LGSN: variants seen among roughly 807,000 people sequenced by gnomAD.
LGSN encodes lengsin.
A neutral mutation model predicts 19.5 loss-of-function variants in LGSN; 21 were observed. That is an observed-to-expected ratio of 1.07 (90% CI 0.76 to 1.55). The LOEUF (loss-of-function observed/expected upper bound fraction) is 1.55. LGSN is among the 40% of genes most tolerant of loss of function. The pLI, the probability that LGSN is intolerant of heterozygous loss-of-function variation, is 0.00. For synonymous variants in LGSN, 257 were observed against 215.6 expected, an observed-to-expected ratio of 1.19 and a Z score of -1.68; for missense variants, 673 against 608.5, an observed-to-expected ratio of 1.11 and a Z score of -1.12.
the LGSN span, among the ~76,000 whole-genome samples, chr6:63,345,725 G>A: frequency 2.0e-5 from 3 of 152,036 alleles, no homozygotes; most frequent in East Asian, 1.9e-4. Context: ...ATCACATGGC[G>A]ACCTTACTCC....
the LGSN span, among the ~76,000 whole-genome samples, chr6:63,415,882 G>A: frequency 3.3e-5 from 5 of 152,048 alleles, no homozygotes; most frequent in South Asian, 6.2e-4. Flanking sequence ...AGATTCACCC[G>A]GGCATTTATT....
chr6:63,461,720 T>G, the LGSN span, among the ~76,000 whole-genome samples: 1 of 152,222 alleles, frequency 6.6e-6, no homozygotes, highest in South Asian at 2.1e-4. Flanking sequence ...CAATCTGGTC[T>G]TCATACCCCA....
the LGSN span, chr6:63,572,359 G>C: frequency 3.5e-6 from 1 of 287,344 alleles, no homozygotes; most frequent in Non-Finnish European, 6.4e-6. Context: ...AGTGACGTCC[G>C]GAGGGGGCGG....
the LGSN span, among the ~76,000 whole-genome samples, chr6:63,537,730 T>C: frequency 2.6e-5 from 4 of 152,216 alleles, no homozygotes; most frequent in East Asian, 1.9e-4. Flanking sequence ...TGTCAGCAGA[T>C]CAGAACCCTG....
At chr6:63,408,013 C>T in the LGSN span, among the ~76,000 whole-genome samples, 1 of 152,070 alleles carries the variant, frequency 6.6e-6, no homozygotes, top group Non-Finnish European at 1.5e-5. Context: ...CAAACCACTG[C>T]TCAAGGAAAT....
At chr6:63,292,704 A>G (rs188293970) in intron 2 of LGSN, among the ~76,000 whole-genome samples, 2 of 152,170 alleles carry the variant, frequency 1.3e-5, no homozygotes, top group African/African-American at 4.8e-5. Flanking sequence ...CCATAACTCC[A>G]CTAAGAAAGG....
the LGSN span, among the ~76,000 whole-genome samples, chr6:63,556,866 C>A: frequency 6.6e-6 from 1 of 152,202 alleles, no homozygotes; most frequent in Non-Finnish European, 1.5e-5. Context: ...TTAGGTGATA[C>A]TATCCAAGAT....
chr6:63,442,235 G>C, the LGSN span, among the ~76,000 whole-genome samples: 1 of 152,202 alleles, frequency 6.6e-6, no homozygotes, highest in African/African-American at 2.4e-5. Flanking sequence ...TTCACGGTGA[G>C]TGTTATAGCT....
the LGSN span, chr6:63,572,152 T>C: frequency 6.5e-6 from 1 of 152,758 alleles, no homozygotes; most frequent in Non-Finnish European, 1.5e-5. Context: ...CCGTTTTAAT[T>C]ATGAGAAACG....
the LGSN span, among the ~76,000 whole-genome samples, chr6:63,380,632 T>C: frequency 1.2e-4 from 18 of 152,316 alleles, no homozygotes; most frequent in Admixed American, 8.5e-4. Context: ...TGTTGCAGGT[T>C]AGCCAACAGG....
the LGSN span, among the ~76,000 whole-genome samples, chr6:63,362,367 A>T: frequency 6.6e-6 from 1 of 150,404 alleles, no homozygotes; most frequent in Non-Finnish European, 1.5e-5. Context: ...CTTGTCAGAC[A>T]GTGGGTGCAG....
At chr6:63,465,748 A>T in the LGSN span, among the ~76,000 whole-genome samples, 198 of 152,296 alleles carry the variant, frequency 1.3e-3, no homozygotes, top group Non-Finnish European at 2.3e-3. Flanking sequence ...ACACCACAGG[A>T]TAAACCTCTT....
the LGSN span, among the ~76,000 whole-genome samples, chr6:63,565,477 A>G: frequency 6.6e-6 from 1 of 152,222 alleles, no homozygotes; most frequent in Non-Finnish European, 1.5e-5. Flanking sequence ...AACTGCCTTA[A>G]TCAATTTTAC....
At chr6:63,406,663 A>G in the LGSN span, among the ~76,000 whole-genome samples, 2 of 151,946 alleles carry the variant, frequency 1.3e-5, no homozygotes, top group African/African-American at 2.4e-5. Flanking sequence ...CAGAAGGCAA[A>G]AAATAACTAA....
the LGSN span, among the ~76,000 whole-genome samples, chr6:63,452,661 C>CTCTCTCTG: frequency 1.3e-5 from 2 of 151,086 alleles, no homozygotes; most frequent in African/African-American, 4.9e-5. Flanking sequence ...CTTTCTCTCT[C>CTCTCTCTG]TCTCTCTCTC....
chr6:63,357,861 C>G, the LGSN span, among the ~76,000 whole-genome samples: 1 of 152,056 alleles, frequency 6.6e-6, no homozygotes, highest in Non-Finnish European at 1.5e-5. Flanking sequence ...TTAATTTTGG[C>G]TTTTGTTGCC....
At chr6:63,427,824 C>G in the LGSN span, among the ~76,000 whole-genome samples, 25 of 152,206 alleles carry the variant, frequency 1.6e-4, no homozygotes, top group African/African-American at 5.3e-4. Context: ...CCTCAAAACT[C>G]TGCTCACATC....
rs1767250356 is a variant in LGSN, at chr6:63,280,417, C to G, written c.1134G>C (p.Lys378Asn). Residue 378 changes from lysine to asparagine, a missense_variant, in exon 4 of 4, where the codon AAG becomes AAC. Lys to Asn is a moderately conservative substitution (Grantham distance 94). Transcript: ENST00000370657. ...RYSKDRKDLK[K>N]SVPTTWGYND... ...TGTATCCCCATGTTGTAGGCACACT[C>G]TTCTTCAGGTCTTTCCTGTCCTTGG... 6.2e-7 allele frequency: 1 copy of G among 1,614,040 alleles called. No individual in the cohort carries two copies. The highest frequency in any genetic ancestry group is 1.7e-5 in the Admixed American group (1 of 60,004).
At chr6:63,315,616 CTCTGTGTGTGTGTG>C (rs1768812208) in intron 1 of LGSN, among the ~76,000 whole-genome samples, 1 of 114,694 alleles carries the variant, frequency 8.7e-6, no homozygotes, top group East Asian at 2.6e-4. Context: ...CTCTCTCTCT[CTCTGTGTGTGTGTG>C]TGTGTGTGTG....
Sources: allele counts gnomAD v4.1 joint callset (sites outside exome capture counted in the v4.1 genomes callset), GRCh38; gene constraint gnomAD v4.1.1; transcripts MANE v1.5; gene names NCBI Gene and HGNC (gene_info 2026-07-23, HGNC 2026-07-21).